NAA30: variants seen among roughly 807,000 people sequenced by gnomAD.
NAA30 encodes N-alpha-acetyltransferase 30, NatC catalytic subunit.
A neutral mutation model predicts 31.4 loss-of-function variants in NAA30; 5 were observed. The observed-to-expected ratio is 0.16, with a 90% CI of 0.08 to 0.33. The LOEUF (loss-of-function observed/expected upper bound fraction) is 0.33. Ranked by LOEUF, NAA30 falls within the 10% of genes least tolerant of loss-of-function variation. The pLI, the probability that NAA30 is intolerant of heterozygous loss-of-function variation, is 1.00. For missense variants in NAA30, 428 were observed against 490.8 expected (o/e 0.87, Z 1.21); for synonymous variants, 222 against 207.1 (o/e 1.07, Z -0.62).
chr14:57,407,924 T>C (rs2066506364), intron 4 of NAA30, among the ~76,000 whole-genome samples: 1 of 152,098 alleles, frequency 6.6e-6, no homozygotes, highest in Non-Finnish European at 1.5e-5. Flanking sequence ...CAATAATCAG[T>C]GCTTGGATGC....
At chr14:57,396,677 G>A in intron 2 of NAA30, 75 bp from the exon 3 acceptor site, 2 of 1,511,208 alleles carry the variant, frequency 1.3e-6, no homozygotes, top group Admixed American at 1.7e-5. Context: ...CCAATGGTTG[G>A]TTGTTGTTTT....
At chr14:57,401,715 A>G (rs1349111533) in intron 4 of NAA30, among the ~76,000 whole-genome samples, 1 of 152,216 alleles carries the variant, frequency 6.6e-6, no homozygotes. Flanking sequence ...CCTACTTGCT[A>G]TCCTAAGTTA....
chr14:57,390,929 C>G, intron 1 of NAA30, 28 bp from the exon 2 acceptor site: 1 of 1,457,508 alleles, frequency 6.9e-7, no homozygotes. Flanking sequence ...GTTTCATGGC[C>G]TCCCCTCTCG....
At chr14:57,396,378 T>G (rs1434559417) in intron 2 of NAA30, among the ~76,000 whole-genome samples, 2 of 144,260 alleles carry the variant, frequency 1.4e-5, no homozygotes, top group Non-Finnish European at 3.0e-5. Flanking sequence ...TTTATAATCA[T>G]TTTTTTTTTG....
In NAA30 at chr14:57,412,367, G is replaced by A. The variant is rs1003459027; in HGVS notation, c.*2851G>A. On this transcript the variant is annotated 3_prime_UTR_variant, in exon 5 of 5. Coordinates refer to ENST00000556492, the MANE Select transcript of NAA30 (RefSeq NM_001011713.3). ...CCTGTGTTATGGTACTGGCTGACAT[G>A]TCTAAGACTGGATGTGTATATTTAT... is the stretch of plus-strand genomic sequence containing the variant. 3.3e-5 allele frequency: 5 copies of A among 152,102 alleles called. No homozygotes were observed. The highest frequency in any genetic ancestry group is 5.9e-5 in the Non-Finnish European group (4 of 68,010). 9.4% of individuals were successfully genotyped at this position (152,102 alleles called of 1,614,324 possible).
At chr14:57,400,896 GT>G (rs72417099) in intron 4 of NAA30, among the ~76,000 whole-genome samples, 3,293 of 144,692 alleles carry the variant, frequency 0.023, 109 homozygotes, top group African/African-American at 0.07. Context: ...GTTTTTTTTT[GT>G]TTTTTTTTTG....
chr14:57,396,901 A>G (rs895748383), intron 3 of NAA30, 26 bp downstream of exon 3: 2 of 1,610,032 alleles, frequency 1.2e-6, no homozygotes, highest in African/African-American at 2.7e-5. Context: ...TTTTATGGAA[A>G]GAATGCCTAA....
chr14:57,398,739 T>A (rs1407157655), intron 3 of NAA30, among the ~76,000 whole-genome samples: 1 of 152,164 alleles, frequency 6.6e-6, no homozygotes, highest in African/African-American at 2.4e-5. Flanking sequence ...TTCAAGTGAT[T>A]TTCCTGCCTC....
chr14:57,396,398 C>T (rs2066450624), intron 2 of NAA30, among the ~76,000 whole-genome samples: 1 of 83,694 alleles, frequency 1.2e-5, no homozygotes, highest in East Asian at 4.6e-4. Flanking sequence ...GCATATTTCC[C>T]CTTCCAGAAC....
chr14:57,396,194 C>A (rs1004698858), intron 2 of NAA30, among the ~76,000 whole-genome samples: 2 of 152,142 alleles, frequency 1.3e-5, no homozygotes, highest in African/African-American at 2.4e-5. Flanking sequence ...ACGCTGATCT[C>A]AAACCCCTGA....
intron 4 of NAA30, among the ~76,000 whole-genome samples, chr14:57,401,815 T>C (rs1417360463): frequency 5.3e-5 from 8 of 152,254 alleles, no homozygotes; most frequent in Admixed American, 3.3e-4. Context: ...AGGAATGATA[T>C]GAAGATTTTT....
intron 3 of NAA30, among the ~76,000 whole-genome samples, chr14:57,397,899 CAG>C (rs1227940234): frequency 2.0e-5 from 3 of 152,160 alleles, no homozygotes; most frequent in Non-Finnish European, 4.4e-5. Context: ...GCCTGGGTGA[CAG>C]AGCAAGACTC....
intron 4 of NAA30, among the ~76,000 whole-genome samples, chr14:57,401,745 T>C (rs926897798): frequency 6.6e-6 from 1 of 152,216 alleles, no homozygotes; most frequent in Non-Finnish European, 1.5e-5. Context: ...AGGCAGGCTA[T>C]GTGCTTTTGT....
chr14:57,408,216 C>A (rs116027849), intron 4 of NAA30, among the ~76,000 whole-genome samples: 5 of 152,196 alleles, frequency 3.3e-5, no homozygotes, highest in African/African-American at 1.2e-4. Flanking sequence ...TCCCCCCCAC[C>A]CACTCCAAAC....
At position 57,390,951 on chromosome 14, in the gene NAA30, T is replaced by C; in HGVS notation, c.-1-6T>C. 2 of 1,476,362 alleles carry C rather than the reference T, an allele frequency of 1.4e-6. No homozygotes were observed. The highest frequency in any genetic ancestry group is 1.8e-6 in the Non-Finnish European group (2 of 1,119,434). The allele number at this position is 1,476,362 out of a possible 1,614,324, so 91.5% of individuals were successfully genotyped here. On this transcript the variant is annotated splice_region_variant and splice_polypyrimidine_tract_variant and intron_variant, in intron 1 of 4. Transcript: ENST00000556492. ...GGCCTCCCCTCTCGGTCTGTGTCGC[T>C]TCTAGGATGGCGGAGGTACCGCCTG...
At chr14:57,405,200 A>T (rs1213523336) in intron 4 of NAA30, among the ~76,000 whole-genome samples, 2 of 152,174 alleles carry the variant, frequency 1.3e-5, no homozygotes, top group African/African-American at 4.8e-5. Flanking sequence ...AATTAAAAGA[A>T]TAAAATAGAT....
At chr14:57,401,035 C>T (rs1232233857) in intron 4 of NAA30, among the ~76,000 whole-genome samples, 2 of 152,108 alleles carry the variant, frequency 1.3e-5, no homozygotes, top group Admixed American at 1.3e-4. Flanking sequence ...TGCTCCTGGC[C>T]TGTTGCTACT....
chr14:57,396,682 T>G, intron 2 of NAA30, 70 bp from the exon 3 acceptor site: 1 of 1,542,066 alleles, frequency 6.5e-7, no homozygotes, highest in Non-Finnish European at 8.9e-7. Flanking sequence ...GGTTGGTTGT[T>G]GTTTTCTCTG....
Position 57,415,248 on chromosome 14 carries a change from C to T in NAA30, c.*5732C>T, listed in dbSNP as rs1300795730. Reference sequence around the variant, plus strand: ...TCTTAAAAACGTTTATAAGACTTTTCTGGTCTCCTTGACCGAGGGATTTTA... The same window carrying T: ...TCTTAAAAACGTTTATAAGACTTTTTTGGTCTCCTTGACCGAGGGATTTTA... On this transcript the variant is annotated 3_prime_UTR_variant, in exon 5 of 5. Coordinates refer to ENST00000556492, the MANE Select transcript of NAA30 (RefSeq NM_001011713.3). 1 of 152,172 alleles carries T rather than the reference C, an allele frequency of 6.6e-6. No homozygotes were observed. Among genetic ancestry groups the T allele is most frequent in the African/African-American group, 2.4e-5 (1 of 41,438 alleles). The allele number at this position is 152,172 out of a possible 1,614,324, so 9.4% of individuals were successfully genotyped here.
Sources: gnomAD v4.1 joint callset for allele counts (sites outside exome capture counted in the v4.1 genomes callset) on GRCh38, gnomAD v4.1.1 for gene constraint, MANE v1.5 for transcripts, NCBI Gene and HGNC (gene_info 2026-07-23, HGNC 2026-07-21) for gene names.